The following MGAM2 variants were observed in gnomAD, a reference collection of about 807,000 sequenced individuals.
MGAM2 encodes the protein maltase-glucoamylase 2 (putative).
MGAM2 carries 98 observed loss-of-function variants against 96.1 expected under a neutral mutation model. The ratio of observed to expected loss-of-function variants is 1.02; its 90% CI spans 0.87 to 1.21. The LOEUF (loss-of-function observed/expected upper bound fraction) is 1.21. Among genes scored for constraint, MGAM2 ranks in the 50% most tolerant of loss-of-function variants. MGAM2 has a pLI of 0.00. For synonymous variants in MGAM2, 749 were observed against 414.8 expected, an observed-to-expected ratio of 1.81 and a Z score of -9.79; for missense variants, 2,055 against 1,182.4, an observed-to-expected ratio of 1.74 and a Z score of -10.82.
At position 142,137,499 on chromosome 7, in the gene MGAM2, T is replaced by C; in HGVS notation, c.914T>C (p.Val305Ala). The C allele has an allele frequency of 1.4e-6, 1 of 702,194 alleles. No homozygotes were observed. The highest frequency in any genetic ancestry group is 1.5e-5 in the South Asian group (1 of 67,530). 43.5% of individuals were successfully genotyped at this position (702,194 alleles called of 1,614,324 possible). Residue 305 changes from valine to alanine, a missense_variant, in exon 9 of 48, where the codon GTA (valine) becomes GCA (alanine). Coordinates refer to ENST00000477922, the MANE Select transcript of MGAM2 (RefSeq NM_001293626.2). ...RTIGGILDFY[V>A]FLGNTPEQVV... The stretch of plus-strand genomic sequence containing the variant: ...ATTGGAGGCATTCTTGACTTTTACG[T>C]ATTCCTAGGAAACACTCCAGAACAA...
Position 142,154,737 on chromosome 7 carries a change from C to T in MGAM2, c.1815C>T (p.Ala605=). The part of the protein sequence containing the change: ...FNLFGIPMVG[A]NICGYNNNVT... ...GTGTGCTAATTCTCCAGGTAGGTGC[C>T]AACATCTGTGGTTATAACAACAATG... Residue 605 remains alanine, a synonymous_variant, in exon 17 of 48, where the codon GCC becomes GCT. Transcript: ENST00000477922. The T allele has an allele frequency of 1.4e-6, 1 of 703,082 alleles. No individual in the cohort carries two copies. The highest frequency in any genetic ancestry group is 2.6e-6 in the Non-Finnish European group (1 of 384,972). 43.6% of individuals were successfully genotyped at this position (703,082 alleles called of 1,614,324 possible).
At chr7:142,177,041 C>G (rs1796400642) in intron 32 of MGAM2, among the ~76,000 whole-genome samples, 1 of 151,986 alleles carries the variant, frequency 6.6e-6, no homozygotes, top group Admixed American at 6.6e-5. Flanking sequence ...TCAGTGTGTA[C>G]ATATGTAGGT....
chr7:142,184,925 A>G (rs1398983214), intron 33 of MGAM2, among the ~76,000 whole-genome samples, 152 bp from the exon 34 acceptor site: 1 of 152,206 alleles, frequency 6.6e-6, no homozygotes, highest in African/African-American at 2.4e-5. Context: ...ACCTAATGTA[A>G]TTTTGTAGAT....
chr7:142,129,716 T>G (rs1585146313), intron 3 of MGAM2, among the ~76,000 whole-genome samples: 1 of 149,766 alleles, frequency 6.7e-6, no homozygotes, highest in East Asian at 2.0e-4. Context: ...TCCTAGCTAC[T>G]CAGGAGGCTG....
intron 47 of MGAM2, 145 bp from the exon 48 acceptor site, chr7:142,219,725 C>T: frequency 1.7e-6 from 1 of 592,474 alleles, no homozygotes; most frequent in East Asian, 2.8e-5. Flanking sequence ...ATCAACATGA[C>T]CTAACCCAAA....
intron 20 of MGAM2, 99 bp from the exon 21 acceptor site, chr7:142,160,035 T>G: frequency 3.3e-6 from 2 of 599,960 alleles, no homozygotes; most frequent in Non-Finnish European, 5.9e-6. Context: ...TGTTTGTCTC[T>G]TCTTTAAAAT....
At chr7:142,205,853 A>G (rs550302702) in intron 45 of MGAM2, among the ~76,000 whole-genome samples, 26 of 152,036 alleles carry the variant, frequency 1.7e-4, no homozygotes, top group Non-Finnish European at 2.9e-4. Context: ...TAGCTAAGAA[A>G]CCATTGCACA....
intron 2 of MGAM2, 128 bp from the exon 3 acceptor site, chr7:142,120,174 T>C: frequency 1.2e-5 from 7 of 599,258 alleles, no homozygotes; most frequent in Middle Eastern, 2.6e-4. Context: ...TGTATGCAAA[T>C]GTAGATACCA....
chr7:142,165,425 TA>T (rs1796003166), intron 24 of MGAM2, among the ~76,000 whole-genome samples: 1 of 152,216 alleles, frequency 6.6e-6, no homozygotes, highest in Non-Finnish European at 1.5e-5. Flanking sequence ...ATACCATTAA[TA>T]AAATGTGAGT....
In MGAM2 at chr7:142,141,079, G is replaced by C; in HGVS notation, c.1277G>C (p.Arg426Thr). ...YEPYNNGSLKRVWILGSNGFA... is the reference protein window; with the variant it reads ...YEPYNNGSLKTVWILGSNGFA... Reference sequence around the variant, plus strand: ...CCCTATAATAATGGAAGCCTAAAGAGAGTGTGGATCTTGGGGAGCAATGGC... The same window carrying C: ...CCCTATAATAATGGAAGCCTAAAGACAGTGTGGATCTTGGGGAGCAATGGC... Residue 426 changes from arginine to threonine, a missense_variant, in exon 12 of 48, where the codon AGA becomes ACA. Physicochemically the swap from Arg to Thr is moderately conservative, Grantham distance 71 (BLOSUM62 -1). Transcript: ENST00000477922. 1.4e-6 allele frequency: 1 copy of C among 701,848 alleles called. No homozygotes were observed. The allele number at this position is 701,848 out of a possible 1,614,324, so 43.5% of individuals were successfully genotyped here.
intron 40 of MGAM2, among the ~76,000 whole-genome samples, 192 bp downstream of exon 40, chr7:142,197,008 T>C (rs749400790): frequency 6.6e-6 from 1 of 152,218 alleles, no homozygotes; most frequent in Non-Finnish European, 1.5e-5. Flanking sequence ...TTTTCTCATC[T>C]CCTGGAGAAT....
rs147812728 is a variant in MGAM2 at position 142,146,359 on chromosome 7, G to A, written c.1517-1097G>A. ...TAGCATGAGAAAGAGCACTGAAGTG[G>A]TTGTGAATCTCATGCCACACACCAA... On this transcript the variant is annotated intron_variant, in intron 14 of 47. Transcript: ENST00000477922. 5.1e-4 allele frequency among the ~76,000 whole-genome samples: 78 copies of A among 152,094 alleles called. 1 individual carries two copies. Among genetic ancestry groups the A allele is most frequent in the African/African-American group, 1.7e-3 (69 of 41,482 alleles).
chr7:142,135,745 C>G (rs1168362557), intron 7 of MGAM2, among the ~76,000 whole-genome samples: 1 of 151,876 alleles, frequency 6.6e-6, no homozygotes, highest in Non-Finnish European at 1.5e-5. Flanking sequence ...CACACACACA[C>G]ACACACACAT....
At chr7:142,131,775 A>G in intron 5 of MGAM2, 148 bp downstream of exon 5, 1 of 616,894 alleles carries the variant, frequency 1.6e-6, no homozygotes, top group South Asian at 1.9e-5. Context: ...TTGATGGGGC[A>G]CATGTAATTG....
intron 10 of MGAM2, among the ~76,000 whole-genome samples, chr7:142,138,895 CTG>C (rs1414209330): frequency 6.6e-6 from 1 of 152,150 alleles, no homozygotes; most frequent in African/African-American, 2.4e-5. Context: ...CTTCATAGCT[CTG>C]TGCAATGTTG....
chr7:142,200,042 A>G (rs955514670), intron 45 of MGAM2, 74 bp downstream of exon 45: 29 of 555,986 alleles, frequency 5.2e-5, no homozygotes, highest in Admixed American at 9.7e-5. Context: ...CATATAACTA[A>G]CATGAACTGA....
In MGAM2 at chr7:142,183,307, C is replaced by A; in HGVS notation, c.3858C>A (p.Phe1286Leu). The A allele has an allele frequency of 1.4e-6, 1 of 703,470 alleles. No homozygotes were observed. The allele number at this position is 703,470 out of a possible 1,614,324, so 43.6% of individuals were successfully genotyped here. Residue 1286 changes from phenylalanine to leucine, a missense_variant, in exon 33 of 48, where the codon TTC (phenylalanine) becomes TTA (leucine). Phe to Leu is a conservative substitution (Grantham distance 22). Coordinates refer to ENST00000477922, the MANE Select transcript of MGAM2 (RefSeq NM_001293626.2). ...GCAATGAGACACAGTATCTCCCATT[C>A]ATTAGAGGACAGGAAAATAACGTGT... The part of the protein sequence containing the change: ...ISGNETQYLP[F>L]IRGQENNVFI...
chr7:142,191,602 CTA>C (rs1301979265), intron 37 of MGAM2, among the ~76,000 whole-genome samples: 25 of 150,574 alleles, frequency 1.7e-4, no homozygotes, highest in South Asian at 8.4e-4. Flanking sequence ...CTCTCTCTCT[CTA>C]TATATATATA....
chr7:142,114,195 A>AAAGAAAGAAAGAAAGAAAGAAAG (rs1563242665), intron 1 of MGAM2, among the ~76,000 whole-genome samples: 1 of 103,782 alleles, frequency 9.6e-6, no homozygotes, highest in East Asian at 2.1e-4. Flanking sequence ...AGAAAGAAAG[A>AAAGAAAGAAAGAAAGAAAGAAAG]AAGAAAGAAA....
Sources: gnomAD v4.1 joint callset for allele counts (sites outside exome capture counted in the v4.1 genomes callset) on GRCh38, gnomAD v4.1.1 for gene constraint, MANE v1.5 for transcripts, NCBI Gene and HGNC (gene_info 2026-07-23, HGNC 2026-07-21) for gene names.